The following SLC38A10 variants were observed in gnomAD, a reference collection of about 807,000 sequenced individuals.
The protein encoded by SLC38A10 is solute carrier family 38 member 10, also known as Sodium-coupled neutral amino acid transporter 10.
In SLC38A10, 53 loss-of-function variants were observed where a neutral mutation model predicts 81.0. That is an observed-to-expected ratio of 0.65 (90% confidence interval 0.53 to 0.82). The LOEUF (loss-of-function observed/expected upper bound fraction) is 0.82. Among genes scored for constraint, SLC38A10 ranks in the 40% least tolerant of loss-of-function variants. The probability of loss-of-function intolerance (pLI) is 0.00; values close to 1 mark genes in which losing one functional copy is unlikely to be tolerated. For synonymous variants in SLC38A10, 665 were observed against 655.3 expected, an observed-to-expected ratio of 1.01 and a Z score of -0.23; for missense variants, 1,471 against 1,545.0, an observed-to-expected ratio of 0.95 and a Z score of 0.80.
intron 14 of SLC38A10, among the ~76,000 whole-genome samples, chr17:81,248,051 G>A (rs565299084): frequency 1.2e-3 from 174 of 139,512 alleles, no homozygotes; most frequent in African/African-American, 4.1e-3. Context: ...TCCGCCTCCC[G>A]GGTTCACGCC....
At chr17:81,290,466 G>A (rs1308847149) in intron 1 of SLC38A10, among the ~76,000 whole-genome samples, 2 of 152,188 alleles carry the variant, frequency 1.3e-5, no homozygotes, top group African/African-American at 4.8e-5. Context: ...TGACACGGAT[G>A]GGACTCAAAC....
rs547209283 is a variant in SLC38A10 at position 81,271,993 on chromosome 17, C to T, written c.1024+523G>A. Among the ~76,000 whole-genome samples the T allele has an allele frequency of 1.3e-4, 19 of 151,838 alleles. No individual in the cohort carries two copies. In the South Asian group the frequency reaches 3.3e-3, roughly 27 times the overall value. On this transcript the variant is annotated intron_variant, in intron 9 of 15. Transcript: ENST00000374759. ...CCGCCCGCCTCGGCCTCCCAAACTG[C>T]GGGGATTACAGGCGTGAGCCACTGC...
At chr17:81,264,411 A>G (rs1235099483) in intron 10 of SLC38A10, 1 of 152,254 alleles carries the variant, frequency 6.6e-6, no homozygotes, top group Non-Finnish European at 1.5e-5. Flanking sequence ...CAGCCGCAGA[A>G]CCGGCCAGCA....
At position 81,246,031 on chromosome 17, in the gene SLC38A10, C is replaced by T. The variant is rs1431808278; in HGVS notation, c.2885G>A (p.Arg962Gln). ...PQAVLRQPEL[R>Q]VISDGEQGGQ... ...ACCCTGCTCGCCATCAGAGATGACCCGCAGTTCCGGCTGGCGTAACACAGC... is the reference window on the plus strand; with the variant it reads ...ACCCTGCTCGCCATCAGAGATGACCTGCAGTTCCGGCTGGCGTAACACAGC... Residue 962 changes from arginine to glutamine, a missense_variant, in exon 16 of 16, where the codon CGG (arginine) becomes CAG (glutamine). Coordinates refer to ENST00000374759, the MANE Select transcript of SLC38A10 (RefSeq NM_001037984.3). The T allele has an allele frequency of 6.8e-6, 11 of 1,610,484 alleles. No homozygotes were observed. Among genetic ancestry groups the T allele is most frequent in the South Asian group, 2.2e-5 (2 of 90,924 alleles).
In SLC38A10 at chr17:81,247,041, G is replaced by A; in HGVS notation, c.2086C>T (p.Leu696=). The change falls in exon 15 of 16, where the codon CTG becomes TTG. Residue 696 remains leucine, a synonymous_variant. Coordinates refer to ENST00000374759, the MANE Select transcript of SLC38A10 (RefSeq NM_001037984.3). ...QLEEAGRAEM[L]DHAVLLQVIK... is the part of the protein sequence containing the mutation. ...ACCTGAAGCAGGACGGCGTGGTCCA[G>A]CATCTCCGCCCTGCCAGCTTCTGGG... The A allele has an allele frequency of 6.3e-7, 1 of 1,592,184 alleles. No homozygotes were observed.
intron 14 of SLC38A10, among the ~76,000 whole-genome samples, chr17:81,248,410 G>A (rs2062874239): frequency 1.3e-5 from 2 of 152,230 alleles, no homozygotes; most frequent in African/African-American, 4.8e-5. Flanking sequence ...TTAAGAGCTG[G>A]TGCCTGCAGC....
intron 10 of SLC38A10, among the ~76,000 whole-genome samples, chr17:81,268,271 C>T (rs921775530): frequency 6.6e-6 from 1 of 152,158 alleles, no homozygotes; most frequent in Non-Finnish European, 1.5e-5. Flanking sequence ...ATGACAATGT[C>T]ACCCAGAACT....
At position 81,246,214 on chromosome 17, in the gene SLC38A10, G is replaced by A. The variant is rs1222146332; in HGVS notation, c.2702C>T (p.Ala901Val). 1.9e-6 allele frequency: 3 copies of A among 1,612,592 alleles called. No individual in the cohort carries two copies. The highest frequency in any genetic ancestry group is 2.5e-6 in the Non-Finnish European group (3 of 1,179,966). ...DRKKPGKEVA[A>V]TGTSILKEAN... ...TTCCTTCAGAATGCTGGTGCCAGTGGCTGCCACCTCCTTCCCAGGTTTTTT... is the reference window on the plus strand; with the variant it reads ...TTCCTTCAGAATGCTGGTGCCAGTGACTGCCACCTCCTTCCCAGGTTTTTT... Residue 901 changes from alanine to valine, a missense_variant, in exon 16 of 16, where the codon GCC becomes GTC. This residue lies in a region of SLC38A10 where 751 missense variants were observed against 717.4 expected (regional missense o/e 1.05). Coordinates refer to ENST00000374759, the MANE Select transcript of SLC38A10 (RefSeq NM_001037984.3).
rs764206889 is a variant in SLC38A10 at position 81,294,965 on chromosome 17, C to T, written c.-44G>A. On this transcript the variant is annotated 5_prime_UTR_variant, in exon 1 of 16. Transcript: ENST00000374759. ...CCGGGGCGAGAGGCCTCGGGGGTCGCCGGGCTGCGGCCGGCTTTGGAAGCC... is the reference window on the plus strand; with the variant it reads ...CCGGGGCGAGAGGCCTCGGGGGTCGTCGGGCTGCGGCCGGCTTTGGAAGCC... 2 of 1,530,312 alleles carry T rather than the reference C, an allele frequency of 1.3e-6. No individual in the cohort carries two copies. Among genetic ancestry groups the T allele is most frequent in the East Asian group, 2.6e-5 (1 of 38,320 alleles). 94.8% of individuals were successfully genotyped at this position (1,530,312 alleles called of 1,614,324 possible).
chr17:81,280,822 G>A (rs1017902343), intron 5 of SLC38A10, 89 bp from the exon 6 acceptor site: 110 of 1,487,982 alleles, frequency 7.4e-5, no homozygotes, highest in Non-Finnish European at 9.7e-5. Flanking sequence ...GGAAGGAGTG[G>A]CAGGAGAGTG....
intron 9 of SLC38A10, 57 bp from the exon 10 acceptor site, chr17:81,271,081 G>A (rs1275999416): frequency 1.4e-6 from 2 of 1,456,122 alleles, no homozygotes; most frequent in East Asian, 2.3e-5. Context: ...GGAAGGAGGG[G>A]ACCTGAGCTT....
At position 81,289,677 on chromosome 17, in the gene SLC38A10, A is replaced by C; in HGVS notation, c.217+14T>G. ...CCCCAGGTCCAGAGCCACCTTGTGG[A>C]GAGGGCGCCTCACCCAGGCCGGCGT... On this transcript the variant is annotated intron_variant, in intron 2 of 15. Coordinates refer to ENST00000374759, the MANE Select transcript of SLC38A10 (RefSeq NM_001037984.3). The surrounding 1 kb of genome is among the most constrained non-coding windows in gnomAD (Gnocchi z 5.9). 1 of 1,595,856 alleles carries C rather than the reference A, an allele frequency of 6.3e-7. No homozygotes were observed. The highest frequency in any genetic ancestry group is 8.5e-7 in the Non-Finnish European group (1 of 1,172,428).
At chr17:81,260,135 G>A (rs2063008105) in intron 11 of SLC38A10, 103 bp downstream of exon 11, 1 of 1,412,644 alleles carries the variant, frequency 7.1e-7, no homozygotes, top group Non-Finnish European at 9.5e-7. Flanking sequence ...ACCCACACAG[G>A]ACAGAGGCCA....
At chr17:81,279,346 C>T (rs757250063) in intron 6 of SLC38A10, among the ~76,000 whole-genome samples, 5 of 152,242 alleles carry the variant, frequency 3.3e-5, no homozygotes, top group Non-Finnish European at 5.9e-5. Flanking sequence ...GCCAATCACA[C>T]AGGCAGGGGG....
chr17:81,251,449 G>A (rs769327897), intron 14 of SLC38A10, 44 bp downstream of exon 14: 23 of 1,607,124 alleles, frequency 1.4e-5, no homozygotes, highest in African/African-American at 4.0e-5. Context: ...GGGGGCTGCC[G>A]CTCCCTGGGC....
chr17:81,251,453 C>A, intron 14 of SLC38A10, 40 bp downstream of exon 14: 4 of 1,608,530 alleles, frequency 2.5e-6, no homozygotes, highest in Non-Finnish European at 3.4e-6. Context: ...GCTGCCGCTC[C>A]CTGGGCCTGA....
intron 14 of SLC38A10, chr17:81,250,066 G>C (rs1324651442): frequency 1.9e-5 from 25 of 1,288,574 alleles, no homozygotes; most frequent in Non-Finnish European, 2.5e-5. Context: ...CTTTGGGTTC[G>C]TACCTGCTAC....
At chr17:81,264,563 C>T (rs2063053895) in intron 10 of SLC38A10, 1 of 152,396 alleles carries the variant, frequency 6.6e-6, no homozygotes. Flanking sequence ...GCGTCGCTGA[C>T]TCAAATGCAG....
intron 10 of SLC38A10, chr17:81,264,789 G>A (rs1474841445): frequency 6.6e-6 from 1 of 152,188 alleles, no homozygotes; most frequent in Non-Finnish European, 1.5e-5. Flanking sequence ...AGGCCTTGGG[G>A]GTCCTCTCTG....
Sources: gnomAD v4.1 joint callset for allele counts (sites outside exome capture counted in the v4.1 genomes callset) on GRCh38, gnomAD v4.1.1 for gene constraint, gnomAD v4.1.1 regional missense constraint, Gnocchi (gnomAD v3.1) non-coding constraint, MANE v1.5 for transcripts, NCBI Gene and HGNC (gene_info 2026-07-23, HGNC 2026-07-21) for gene names.